CALCR: variants seen among roughly 807,000 people sequenced by gnomAD.
The protein encoded by CALCR is calcitonin receptor.
CALCR carries 47 observed loss-of-function variants against 59.5 expected under a neutral mutation model. The observed-to-expected ratio is 0.79, with a 90% CI of 0.63 to 1.01. The LOEUF is 1.01. Among genes scored for constraint, CALCR ranks in the 50% least tolerant of loss-of-function variants. CALCR has a pLI of 0.00. For missense variants in CALCR, 566 were observed against 597.1 expected, an observed-to-expected ratio of 0.95 and a Z score of 0.54; for synonymous variants, 213 against 211.3, an observed-to-expected ratio of 1.01 and a Z score of -0.07.
In CALCR at chr7:93,426,045, C is replaced by T. The variant is rs1245089056; in HGVS notation, c.*311G>A. 4 of 234,592 alleles carry T rather than the reference C, an allele frequency of 1.7e-5. No homozygotes were observed. Among genetic ancestry groups the T allele is most frequent in the African/African-American group, 6.7e-5 (3 of 44,496 alleles). 14.5% of individuals were successfully genotyped at this position (234,592 alleles called of 1,614,324 possible). ...ATGGCTCAGTATTGACAAGGAGCACCCTGTATCTGAACTAGGTCAATTTCA... is the reference window on the plus strand; with the variant it reads ...ATGGCTCAGTATTGACAAGGAGCACTCTGTATCTGAACTAGGTCAATTTCA... On this transcript the variant is annotated 3_prime_UTR_variant, in exon 14 of 14. Transcript: ENST00000426151.
intron 5 of CALCR, among the ~76,000 whole-genome samples, chr7:93,473,968 C>T (rs1318291172): frequency 6.6e-6 from 1 of 151,504 alleles, no homozygotes; most frequent in African/African-American, 2.4e-5. Flanking sequence ...ATAATAAGTT[C>T]TCATGGGGAT....
chr7:93,485,072 AT>A lies in CALCR; in HGVS notation c.51+1858del, dbSNP rs561681728. On this transcript the variant is annotated intron_variant, in intron 3 of 13. Transcript: ENST00000426151. ...ATTAATTAGGAACATTGTCATTAAA[AT>A]TTTTTTTCTCTGAGAAGTGTCAGTG... Among the ~76,000 whole-genome samples, 642 of 151,746 alleles carry A rather than the reference AT, an allele frequency of 4.2e-3. 3 individuals carry two copies. Among genetic ancestry groups the A allele is most frequent in the African/African-American group, 0.014 (598 of 41,464 alleles).
intron 2 of CALCR, among the ~76,000 whole-genome samples, chr7:93,555,786 C>G (rs1789586676): frequency 6.6e-6 from 1 of 152,128 alleles, no homozygotes; most frequent in Non-Finnish European, 1.5e-5. Context: ...AAAAACAGGT[C>G]TTAATAAACA....
At chr7:93,524,996 C>T (rs1354828176) in intron 2 of CALCR, among the ~76,000 whole-genome samples, 3 of 152,068 alleles carry the variant, frequency 2.0e-5, no homozygotes, top group African/African-American at 7.2e-5. Context: ...GAATCCATGC[C>T]TGCAACATGC....
chr7:93,567,093 C>T (rs952796337), intron 2 of CALCR, among the ~76,000 whole-genome samples: 1 of 152,094 alleles, frequency 6.6e-6, no homozygotes, highest in African/African-American at 2.4e-5. Flanking sequence ...AAACTGAATG[C>T]TATGTTCTGA....
At chr7:93,498,484 A>G (rs1293163364) in intron 2 of CALCR, among the ~76,000 whole-genome samples, 1 of 151,706 alleles carries the variant, frequency 6.6e-6, no homozygotes, top group Admixed American at 6.6e-5. Flanking sequence ...CCTCACGTAT[A>G]CTTTATAGTA....
At chr7:93,567,451 T>C (rs932826919) in intron 2 of CALCR, among the ~76,000 whole-genome samples, 13 of 152,106 alleles carry the variant, frequency 8.5e-5, no homozygotes, top group Non-Finnish European at 7.4e-5. Flanking sequence ...AAAAGGGAGA[T>C]TAAACCACCA....
rs1800001046 is a variant in CALCR at position 93,446,044 on chromosome 7, TTCTGTGAATG to T, written c.649-2297_649-2288del. ...ATCAGGTGGCTCCAATTTCTGGACA[TTCTGTGAATG>T]TCTGTGAATGATAGCAAATCTGCTA... On this transcript the variant is annotated intron_variant, in intron 8 of 13. Transcript: ENST00000426151. Among the ~76,000 whole-genome samples the T allele has an allele frequency of 2.0e-5, 3 of 152,014 alleles. No individual in the cohort carries two copies. In the South Asian group the frequency reaches 6.2e-4, roughly 31 times the overall value.
rs1366638173 is a variant in CALCR at position 93,562,404 on chromosome 7, TA to T, written c.-27+11884del. The stretch of plus-strand genomic sequence containing the variant: ...CAGGAGCTCTACTTAACAAGTATTA[TA>T]AAAAGGAACAACAACAACAACAACA... On this transcript the variant is annotated intron_variant, in intron 2 of 13. Transcript: ENST00000426151. Among the ~76,000 whole-genome samples, 55 of 145,706 alleles carry T rather than the reference TA, an allele frequency of 3.8e-4. 1 individual carries two copies. The highest frequency in any genetic ancestry group is 3.6e-3 in the Admixed American group (54 of 15,060).
chr7:93,478,422 C>T (rs953815593), intron 4 of CALCR, among the ~76,000 whole-genome samples: 1 of 151,698 alleles, frequency 6.6e-6, no homozygotes, highest in African/African-American at 2.4e-5. Flanking sequence ...TGGTAGTAGG[C>T]CAGATGCAGT....
intron 8 of CALCR, among the ~76,000 whole-genome samples, chr7:93,458,421 C>T (rs1198020653): frequency 1.3e-5 from 2 of 152,062 alleles, no homozygotes; most frequent in Non-Finnish European, 2.9e-5. Flanking sequence ...TGAAAATATC[C>T]CTTGGCCCTT....
intron 2 of CALCR, among the ~76,000 whole-genome samples, chr7:93,510,725 T>C (rs1024380798): frequency 6.6e-6 from 1 of 151,786 alleles, no homozygotes; most frequent in Admixed American, 6.6e-5. Context: ...TTTTTTAAAA[T>C]TAGCTAGGTG....
chr7:93,518,844 G>A lies in CALCR; in HGVS notation c.-26-31837C>T, dbSNP rs140127780. ...TAATATTTATAGTTTTATGCCATTCGTGTTTCTAATAAACATACATTTACA... is the reference window on the plus strand; with the variant it reads ...TAATATTTATAGTTTTATGCCATTCATGTTTCTAATAAACATACATTTACA... On this transcript the variant is annotated intron_variant, in intron 2 of 13. Coordinates refer to ENST00000426151, the MANE Select transcript of CALCR (RefSeq NM_001742.4). Among the ~76,000 whole-genome samples, 336 of 151,818 alleles carry A rather than the reference G, an allele frequency of 2.2e-3. 1 individual carries two copies. The highest frequency in any genetic ancestry group is 6.7e-3 in the African/African-American group (278 of 41,462).
chr7:93,488,026 C>A (rs990661841), intron 2 of CALCR, among the ~76,000 whole-genome samples: 1 of 151,572 alleles, frequency 6.6e-6, no homozygotes, highest in Non-Finnish European at 1.5e-5. Flanking sequence ...AAGTAACCTA[C>A]AAAGCAAAGC....
In CALCR at chr7:93,425,363, G is replaced by T. The variant is rs1799503010; in HGVS notation, c.*993C>A. On this transcript the variant is annotated 3_prime_UTR_variant, in exon 14 of 14. Coordinates refer to ENST00000426151, the MANE Select transcript of CALCR (RefSeq NM_001742.4). ...AAGCTTTGAAGCTGGGTGGAAAGCA[G>T]TTAATGGACTTATGTGGAGTCTTTT... 1 of 152,598 alleles carries T rather than the reference G, an allele frequency of 6.6e-6. No individual in the cohort carries two copies. The highest frequency in any genetic ancestry group is 1.5e-5 in the Non-Finnish European group (1 of 68,020). The allele number at this position is 152,598 out of a possible 1,614,324, so 9.5% of individuals were successfully genotyped here.
Position 93,425,455 on chromosome 7 carries a change from C to T in CALCR, c.*901G>A, listed in dbSNP as rs1799505878. Reference sequence around the variant, plus strand: ...GCACCCAAGGGCAAGAGGTAATCTGCTTTATAAACCTTGGAGTAATTTGCT... The same window carrying T: ...GCACCCAAGGGCAAGAGGTAATCTGTTTTATAAACCTTGGAGTAATTTGCT... On this transcript the variant is annotated 3_prime_UTR_variant, in exon 14 of 14. Coordinates refer to ENST00000426151, the MANE Select transcript of CALCR (RefSeq NM_001742.4). 6.6e-6 allele frequency: 1 copy of T among 152,582 alleles called. No homozygotes were observed. Among genetic ancestry groups the T allele is most frequent in the African/African-American group, 2.4e-5 (1 of 41,440 alleles). 9.5% of individuals were successfully genotyped at this position (152,582 alleles called of 1,614,324 possible). A position where few individuals can be genotyped will look rare whatever the true frequency, so the allele number is the denominator to read the frequency against.
In CALCR at chr7:93,440,874, G is replaced by A. The variant is rs187593763; in HGVS notation, c.803-2604C>T. ...TAGCAACTCCCCGTTCTGTGCTTAC[G>A]TTACTAAGTGTAATGTTCTTTGGGA... is the stretch of plus-strand genomic sequence containing the variant. On this transcript the variant is annotated intron_variant, in intron 9 of 13. Coordinates refer to ENST00000426151, the MANE Select transcript of CALCR (RefSeq NM_001742.4). Among the ~76,000 whole-genome samples the A allele has an allele frequency of 5.7e-3, 871 of 152,146 alleles. 5 individuals are homozygous for A. Among genetic ancestry groups the A allele is most frequent in the Admixed American group, 9.7e-3 (148 of 15,274 alleles).
chr7:93,570,615 T>A (rs549264452), intron 2 of CALCR, among the ~76,000 whole-genome samples: 2 of 152,264 alleles, frequency 1.3e-5, no homozygotes, highest in Admixed American at 6.5e-5. Flanking sequence ...TATGCTATTT[T>A]TAAAAAATAA....
At chr7:93,539,437 T>C (rs550045976) in intron 2 of CALCR, among the ~76,000 whole-genome samples, 1 of 152,120 alleles carries the variant, frequency 6.6e-6, no homozygotes, top group South Asian at 2.1e-4. Flanking sequence ...CCCAGTGTTC[T>C]AGTAATACTG....
Sources: allele counts gnomAD v4.1 joint callset (sites outside exome capture counted in the v4.1 genomes callset), GRCh38; gene constraint gnomAD v4.1.1; transcripts MANE v1.5; gene names NCBI Gene and HGNC (gene_info 2026-07-23, HGNC 2026-07-21).